Variants in PDCD10 observed in about 807,000 individuals in gnomAD.
The protein encoded by PDCD10 is programmed cell death protein 10.
PDCD10 carries 4 observed loss-of-function variants against 29.2 expected under a neutral mutation model. The observed-to-expected ratio is 0.14, with a 90% confidence interval of 0.07 to 0.31. PDCD10 has a LOEUF of 0.31. PDCD10 is among the 10% of genes least tolerant of loss of function. PDCD10 has a pLI of 1.00. For synonymous variants in PDCD10, 70 were observed against 82.2 expected (o/e 0.85, Z 0.80); for missense variants, 183 against 257.9 (o/e 0.71, Z 1.99).
intron 2 of PDCD10, among the ~76,000 whole-genome samples, chr3:167,726,609 T>C (rs1434621460): frequency 2.0e-5 from 3 of 152,206 alleles, no homozygotes; most frequent in Non-Finnish European, 2.9e-5. Flanking sequence ...AGTACTCACT[T>C]CCCCAGATTA....
chr3:167,685,042 A>C (rs1719442029), intron 8 of PDCD10, among the ~76,000 whole-genome samples: 1 of 152,118 alleles, frequency 6.6e-6, no homozygotes, highest in Admixed American at 6.5e-5. Flanking sequence ...ATGATGCCCT[A>C]GTCCCACTGT....
intron 4 of PDCD10, among the ~76,000 whole-genome samples, chr3:167,703,116 A>G (rs1482618885): frequency 1.3e-5 from 2 of 152,180 alleles, no homozygotes; most frequent in Non-Finnish European, 2.9e-5. Context: ...TCCTGGCATT[A>G]GAAAAGCTGA....
chr3:167,702,171 T>A (rs1283990809), intron 4 of PDCD10, among the ~76,000 whole-genome samples: 1 of 152,136 alleles, frequency 6.6e-6, no homozygotes, highest in Admixed American at 6.5e-5. Context: ...TTAAACATAT[T>A]TCTGTAAAGT....
intron 2 of PDCD10, among the ~76,000 whole-genome samples, chr3:167,729,345 C>T (rs749260489): frequency 4.9e-4 from 75 of 152,174 alleles, no homozygotes; most frequent in Admixed American, 4.6e-4. Flanking sequence ...CTGCCTGCCA[C>T]ACTGACCTTA....
chr3:167,687,494 A>G, intron 7 of PDCD10, 121 bp downstream of exon 7: 1 of 757,840 alleles, frequency 1.3e-6, no homozygotes, highest in Admixed American at 2.0e-5. Context: ...TTCAAGAATA[A>G]ACTCAATGGT....
chr3:167,726,490 C>T (rs1412895376), intron 2 of PDCD10, among the ~76,000 whole-genome samples: 1 of 151,976 alleles, frequency 6.6e-6, no homozygotes, highest in Non-Finnish European at 1.5e-5. Flanking sequence ...GGAGATAGTG[C>T]TCAGTTTGGA....
At chr3:167,724,682 C>T (rs1723908982) in intron 2 of PDCD10, among the ~76,000 whole-genome samples, 1 of 152,082 alleles carries the variant, frequency 6.6e-6, no homozygotes, top group Non-Finnish European at 1.5e-5. Context: ...AAAATAAAAA[C>T]AAACACAAAA....
intron 5 of PDCD10, 36 bp from the exon 6 acceptor site, chr3:167,695,758 G>A (rs772378852): frequency 2.2e-5 from 35 of 1,604,012 alleles, no homozygotes; most frequent in South Asian, 4.4e-5. Flanking sequence ...AACATCCTGC[G>A]ACTCTCTGCC....
intron 2 of PDCD10, among the ~76,000 whole-genome samples, chr3:167,729,461 G>C (rs1343845625): frequency 6.6e-6 from 1 of 152,016 alleles, no homozygotes; most frequent in Non-Finnish European, 1.5e-5. Context: ...TGAAAAACAT[G>C]GTCTCTTGAG....
At chr3:167,699,550 G>A (rs1721161785) in intron 4 of PDCD10, among the ~76,000 whole-genome samples, 1 of 152,140 alleles carries the variant, frequency 6.6e-6, no homozygotes, top group Non-Finnish European at 1.5e-5. Context: ...AATAAATATG[G>A]TCTTAAATCA....
intron 3 of PDCD10, among the ~76,000 whole-genome samples, chr3:167,716,799 G>A (rs1004653980): frequency 1.3e-5 from 2 of 151,892 alleles, no homozygotes; most frequent in Non-Finnish European, 2.9e-5. Flanking sequence ...AACCTTTGGT[G>A]ACCTAAAATT....
intron 2 of PDCD10, among the ~76,000 whole-genome samples, chr3:167,731,857 A>G (rs1266500367): frequency 1.3e-5 from 2 of 152,326 alleles, no homozygotes; most frequent in Admixed American, 6.5e-5. Flanking sequence ...CTGACGAACG[A>G]TATTTAAATT....
chr3:167,726,116 T>G (rs973441404), intron 2 of PDCD10, among the ~76,000 whole-genome samples: 3 of 63,158 alleles, frequency 4.7e-5, no homozygotes, highest in Non-Finnish European at 8.8e-5. Flanking sequence ...AGAGTACTGT[T>G]TTTTTTTTTT....
chr3:167,694,902 T>C (rs1720641863), intron 6 of PDCD10, among the ~76,000 whole-genome samples: 1 of 152,274 alleles, frequency 6.6e-6, no homozygotes, highest in Non-Finnish European at 1.5e-5. Context: ...CATGCATTGA[T>C]AGTGACACTG....
rs572971113 is a variant in PDCD10, at chr3:167,720,606, A to G, written c.-116-333T>C. On this transcript the variant is annotated intron_variant, in intron 2 of 8. Transcript: ENST00000392750. ...ATATACAATCTAAGAGAACATATGA[A>G]TAAGACACATACTTATAATATTTAT... 3.9e-5 allele frequency among the ~76,000 whole-genome samples: 6 copies of G among 152,244 alleles called. No homozygotes were observed. The South Asian group carries it at 6.2e-4, about 16-fold the overall frequency.
At position 167,684,161 on chromosome 3, in the gene PDCD10, G is replaced by T; in HGVS notation, c.*147C>A. On this transcript the variant is annotated 3_prime_UTR_variant, in exon 9 of 9. Transcript: ENST00000392750. ...TTAAGCTACATTTTACAAAAATATG[G>T]TGTAAGATGGCAATAATCCCATTCA... 1.6e-6 allele frequency: 1 copy of T among 620,886 alleles called. No homozygotes were observed. The allele number at this position is 620,886 out of a possible 1,614,324, so 38.5% of individuals were successfully genotyped here. A position where few individuals can be genotyped will look rare whatever the true frequency, so the allele number is the denominator to read the frequency against.
chr3:167,709,786 G>A (rs13317559), intron 3 of PDCD10, among the ~76,000 whole-genome samples: 44,862 of 131,530 alleles, frequency 0.34, 7,152 homozygotes, highest in African/African-American at 0.48. Flanking sequence ...TCCTCCCCCA[G>A]TCCCAGGCAG....
intron 3 of PDCD10, 115 bp downstream of exon 3, chr3:167,719,947 C>T (rs1472898338): frequency 2.2e-5 from 18 of 803,076 alleles, no homozygotes; most frequent in East Asian, 7.8e-5. Context: ...CCTAACGCAC[C>T]GATAAGAGTT....
intron 3 of PDCD10, among the ~76,000 whole-genome samples, chr3:167,710,658 C>G (rs557444281): frequency 1.3e-5 from 2 of 152,352 alleles, no homozygotes; most frequent in African/African-American, 4.8e-5. Context: ...ATAAATGTGG[C>G]TGGCTTCACT....
Sources: gnomAD v4.1 joint callset for allele counts (sites outside exome capture counted in the v4.1 genomes callset) on GRCh38, gnomAD v4.1.1 for gene constraint, MANE v1.5 for transcripts, NCBI Gene and HGNC (gene_info 2026-07-23, HGNC 2026-07-21) for gene names.